CFAP299: variants seen among roughly 807,000 people sequenced by gnomAD.
The protein encoded by CFAP299 is cilia and flagella associated protein 299.
CFAP299 carries 21 observed loss-of-function variants against 27.0 expected under a neutral mutation model. The ratio of observed to expected loss-of-function variants is 0.78; its 90% CI spans 0.55 to 1.12. CFAP299 has a LOEUF of 1.12. CFAP299 is among the 50% of genes most tolerant of loss of function. The probability of loss-of-function intolerance (pLI) is 0.00; values close to 1 mark genes in which losing one functional copy is unlikely to be tolerated. For synonymous variants in CFAP299, 104 were observed against 98.1 expected (o/e 1.06, Z -0.36); for missense variants, 310 against 276.6 (o/e 1.12, Z -0.86).
At chr4:80,418,535 A>T (rs1727132188) in intron 2 of CFAP299, among the ~76,000 whole-genome samples, 2 of 151,910 alleles carry the variant, frequency 1.3e-5, no homozygotes, top group Non-Finnish European at 2.9e-5. Flanking sequence ...AAATGTACAG[A>T]ACTCGATTAT....
chr4:80,560,627 C>G (rs1309632240), intron 2 of CFAP299, among the ~76,000 whole-genome samples: 1 of 152,066 alleles, frequency 6.6e-6, no homozygotes, highest in Non-Finnish European at 1.5e-5. Flanking sequence ...TCATGACAAG[C>G]TGACTAAAGA....
chr4:80,668,491 T>G (rs1741256685), intron 3 of CFAP299, among the ~76,000 whole-genome samples: 1 of 152,172 alleles, frequency 6.6e-6, no homozygotes, highest in Non-Finnish European at 1.5e-5. Flanking sequence ...GTGTGAAAGG[T>G]GAAGATCTAG....
chr4:80,690,113 T>C (rs571460492), intron 3 of CFAP299, among the ~76,000 whole-genome samples: 4 of 149,202 alleles, frequency 2.7e-5, no homozygotes, highest in African/African-American at 1.0e-4. Flanking sequence ...AACACCCCAC[T>C]GTCAACATTA....
rs968933350 is a variant in CFAP299 at position 80,434,405 on chromosome 4, A to G, written c.242+71521A>G. Among the ~76,000 whole-genome samples, 70 of 152,320 alleles carry G rather than the reference A, an allele frequency of 4.6e-4. 1 individual carries two copies. Among genetic ancestry groups the G allele is most frequent in the African/African-American group, 1.6e-3 (68 of 41,582 alleles). On this transcript the variant is annotated intron_variant, in intron 2 of 5. Transcript: ENST00000358105. ...GAGGTGATTTGTGCAGCTTCCAGAC[A>G]TATCTTCAAAAAGAGGAAATGTTAC... is the stretch of plus-strand genomic sequence containing the variant.
intron 3 of CFAP299, among the ~76,000 whole-genome samples, chr4:80,825,988 TTAATA>T (rs1214630636): frequency 7.9e-5 from 12 of 152,060 alleles, no homozygotes; most frequent in African/African-American, 2.6e-4. Context: ...TGTTTTCTAC[TTAATA>T]TAAGAGAAAA....
chr4:80,591,345 G>A (rs970167285), intron 3 of CFAP299, among the ~76,000 whole-genome samples: 7 of 151,406 alleles, frequency 4.6e-5, no homozygotes, highest in Non-Finnish European at 8.8e-5. Flanking sequence ...GGATGGTCTC[G>A]ATCTCCTGAC....
chr4:80,636,680 T>C (rs1483333268), intron 3 of CFAP299, among the ~76,000 whole-genome samples: 1 of 152,182 alleles, frequency 6.6e-6, no homozygotes, highest in Non-Finnish European at 1.5e-5. Flanking sequence ...TAGACTGAGA[T>C]AGAGCAGGAG....
At chr4:80,417,064 G>A (rs572936589) in intron 2 of CFAP299, among the ~76,000 whole-genome samples, 1 of 152,334 alleles carries the variant, frequency 6.6e-6, no homozygotes, top group African/African-American at 2.4e-5. Context: ...GCTAAACAAG[G>A]GGTGGATTAT....
chr4:80,504,303 T>A (rs1307078583), intron 2 of CFAP299, among the ~76,000 whole-genome samples: 1 of 151,504 alleles, frequency 6.6e-6, no homozygotes, highest in Non-Finnish European at 1.5e-5. Flanking sequence ...CTGGTGCTCA[T>A]ACCTATGGAA....
At chr4:80,786,408 G>C (rs1033560275) in intron 3 of CFAP299, among the ~76,000 whole-genome samples, 32 of 152,186 alleles carry the variant, frequency 2.1e-4, no homozygotes, top group Non-Finnish European at 4.0e-4. Flanking sequence ...GTCCAAGAGG[G>C]TTTGACATTC....
At chr4:80,569,820 A>C (rs995231754) in intron 2 of CFAP299, among the ~76,000 whole-genome samples, 10 of 152,136 alleles carry the variant, frequency 6.6e-5, no homozygotes, top group African/African-American at 2.2e-4. Context: ...AATCATAAAT[A>C]AGTAGTGAGA....
chr4:80,484,373 G>A (rs1377909499), intron 2 of CFAP299, among the ~76,000 whole-genome samples: 4 of 152,126 alleles, frequency 2.6e-5, no homozygotes, highest in African/African-American at 7.2e-5. Context: ...ATAACCTGGC[G>A]GTTAGCAATT....
intron 1 of CFAP299, among the ~76,000 whole-genome samples, chr4:80,336,284 AT>A (rs1248081538): frequency 2.0e-5 from 3 of 152,192 alleles, no homozygotes. Flanking sequence ...GCCAATTGGT[AT>A]ATTAAAGAAC....
intron 3 of CFAP299, among the ~76,000 whole-genome samples, chr4:80,601,916 T>C (rs190058338): frequency 8.5e-4 from 129 of 152,346 alleles, no homozygotes; most frequent in Middle Eastern, 3.4e-3. Context: ...AATGAAATCA[T>C]GTCCTTTGTT....
At position 80,591,125 on chromosome 4, in the gene CFAP299, T is replaced by TA. The variant is rs1560643050; in HGVS notation, c.333+7942_333+7943insA. On this transcript the variant is annotated intron_variant, in intron 3 of 5. Transcript: ENST00000358105. ...AGGAAATTTTTTTTTTTTTTTTTTT[T>TA]TTTTTTATTTTTTTTTGAGACGGAG... is the stretch of plus-strand genomic sequence containing the variant. Among the ~76,000 whole-genome samples the TA allele has an allele frequency of 1.3e-3, 171 of 135,010 alleles. 2 individuals are homozygous for TA. The highest frequency in any genetic ancestry group is 1.7e-3 in the African/African-American group (65 of 37,750). 88.6% of individuals were successfully genotyped at this position (135,010 alleles called of 152,430 possible).
At chr4:80,450,690 T>C (rs72659854) in intron 2 of CFAP299, among the ~76,000 whole-genome samples, 1 of 147,258 alleles carries the variant, frequency 6.8e-6, no homozygotes, top group East Asian at 1.9e-4. Flanking sequence ...GATGTTCATA[T>C]ATGTCAAAGT....
rs192177476 is a variant in CFAP299 at position 80,914,306 on chromosome 4, C to T, written c.477-30504C>T. ...CATTCTTACTAGTAATATATGAGTT[C>T]CTTTTATTCCACATCCTAGTCATCT... On this transcript the variant is annotated intron_variant, in intron 4 of 5. Coordinates refer to ENST00000358105, the MANE Select transcript of CFAP299 (RefSeq NM_152770.3). 2.8e-3 allele frequency among the ~76,000 whole-genome samples: 433 copies of T among 152,230 alleles called. 2 individuals are homozygous for T. The highest frequency in any genetic ancestry group is 9.9e-3 in the African/African-American group (413 of 41,550).
intron 2 of CFAP299, among the ~76,000 whole-genome samples, chr4:80,367,024 A>G (rs1021543794): frequency 6.6e-6 from 1 of 152,220 alleles, no homozygotes; most frequent in African/African-American, 2.4e-5. Context: ...AGACAAGTAG[A>G]TTCATGGTTT....
At chr4:80,532,011 C>T (rs112093265) in intron 2 of CFAP299, among the ~76,000 whole-genome samples, 5 of 152,034 alleles carry the variant, frequency 3.3e-5, no homozygotes, top group Non-Finnish European at 7.4e-5. Flanking sequence ...CTGCCTCAGC[C>T]TCCAAAAGTG....
Sources: allele counts gnomAD v4.1 joint callset (sites outside exome capture counted in the v4.1 genomes callset), GRCh38; gene constraint gnomAD v4.1.1; transcripts MANE v1.5; gene names NCBI Gene and HGNC (gene_info 2026-07-23, HGNC 2026-07-21).